Variants in RIPOR2 observed in about 807,000 individuals in gnomAD.
RIPOR2 encodes rho family-interacting cell polarization regulator 2.
RIPOR2 carries 39 observed loss-of-function variants against 114.5 expected under a neutral mutation model. The observed-to-expected ratio is 0.34, with a 90% CI of 0.26 to 0.44. The LOEUF is 0.44. Among genes scored for constraint, RIPOR2 ranks in the 20% least tolerant of loss-of-function variants. The pLI, the probability that RIPOR2 is intolerant of heterozygous loss-of-function variation, is 1.00. For synonymous variants in RIPOR2, 445 were observed against 484.4 expected, an observed-to-expected ratio of 0.92 and a Z score of 1.07; for missense variants, 1,007 against 1,255.1, an observed-to-expected ratio of 0.80 and a Z score of 2.99.
intron 1 of RIPOR2, among the ~76,000 whole-genome samples, chr6:24,990,328 T>A (rs979876612): frequency 6.6e-6 from 1 of 152,244 alleles, no homozygotes; most frequent in Non-Finnish European, 1.5e-5. Context: ...TCATTGATAG[T>A]GCTTCTAATG....
In RIPOR2 at chr6:25,018,712, A is replaced by G. The variant is rs370423390; in HGVS notation, c.76+23139T>C. Among the ~76,000 whole-genome samples, 30 of 152,290 alleles carry G rather than the reference A, an allele frequency of 2.0e-4. No individual in the cohort carries two copies. The South Asian group carries it at 5.2e-3, about 26-fold the overall frequency. On this transcript the variant is annotated intron_variant, in intron 1 of 13. Transcript: ENST00000510784. ...TTAGATTTTATTAAATCCCAGTTCT[A>G]TTTTTGGCAAGATAATAGGTGATAC...
At chr6:25,035,969 G>C in intron 1 of RIPOR2, among the ~76,000 whole-genome samples, 1 of 152,226 alleles carries the variant, frequency 6.6e-6, no homozygotes, top group South Asian at 2.1e-4. Flanking sequence ...GGAATAGCCA[G>C]CTGGGTTCTT....
At chr6:24,907,816 T>C (rs1769140714) in intron 1 of RIPOR2, among the ~76,000 whole-genome samples, 1 of 152,226 alleles carries the variant, frequency 6.6e-6, no homozygotes, top group African/African-American at 2.4e-5. Flanking sequence ...TGAAAAGGCA[T>C]ATGCTCATGA....
At chr6:24,860,892 T>C (rs575393272) in intron 8 of RIPOR2, 81 bp downstream of exon 8, 1 of 869,112 alleles carries the variant, frequency 1.2e-6, no homozygotes, top group African/African-American at 1.7e-5. Context: ...AAAATAAAAA[T>C]AGCATGGGCT....
At chr6:24,897,697 C>T (rs1361757923) in intron 1 of RIPOR2, among the ~76,000 whole-genome samples, 2 of 152,178 alleles carry the variant, frequency 1.3e-5, no homozygotes, top group African/African-American at 4.8e-5. Flanking sequence ...TCATACCTCT[C>T]ATTACCAGAG....
At chr6:24,872,450 C>T (rs1408958562) in intron 4 of RIPOR2, among the ~76,000 whole-genome samples, 1 of 152,170 alleles carries the variant, frequency 6.6e-6, no homozygotes, top group Non-Finnish European at 1.5e-5. Context: ...AACTCCTGGC[C>T]TCAAGCGTTC....
intron 1 of RIPOR2, among the ~76,000 whole-genome samples, chr6:25,028,889 G>A (rs1046010983): frequency 6.6e-6 from 1 of 152,234 alleles, no homozygotes; most frequent in Admixed American, 6.5e-5. Flanking sequence ...GATGTGGGAT[G>A]AGGTAAGGAA....
rs2113820351 is a variant in RIPOR2 at position 24,858,881 on chromosome 6, A to G, written c.715+2092T>C. Among the ~76,000 whole-genome samples the G allele has an allele frequency of 6.6e-6, 1 of 152,218 alleles. No individual in the cohort carries two copies. The highest frequency in any genetic ancestry group is 1.9e-4 in the East Asian group (1 of 5,178). Reference sequence around the variant, plus strand: ...CAGCATCATCTCCTCCCTGAACACCAAGCCTGAAGCTCCAGATCTGGTCCG... The same window carrying G: ...CAGCATCATCTCCTCCCTGAACACCGAGCCTGAAGCTCCAGATCTGGTCCG... On this transcript the variant is annotated intron_variant, in intron 8 of 21. Transcript: ENST00000643898. This position sits in a 1 kb window ranked among gnomAD's most constrained non-coding sequence, Gnocchi z 4.0.
rs972491214 is a variant in RIPOR2, at chr6:25,027,809, G to A, written c.76+14042C>T. 2.0e-5 allele frequency among the ~76,000 whole-genome samples: 3 copies of A among 152,240 alleles called. No individual in the cohort carries two copies. The South Asian group carries it at 6.2e-4, about 32-fold the overall frequency. ...GGTAAACCGACTGAACAAGAGGGAAGAGGCAAGTTCCGTGGGTCAGGGCAT... is the reference window on the plus strand; with the variant it reads ...GGTAAACCGACTGAACAAGAGGGAAAAGGCAAGTTCCGTGGGTCAGGGCAT... On this transcript the variant is annotated intron_variant, in intron 1 of 13. Transcript: ENST00000510784.
At chr6:24,848,183 A>G (rs1255956546) in intron 11 of RIPOR2, 29 bp from the exon 12 acceptor site, 2 of 1,610,214 alleles carry the variant, frequency 1.2e-6, no homozygotes, top group Non-Finnish European at 8.5e-7. Context: ...CCAGGTATGC[A>G]CATTTGGCAA....
chr6:24,956,377 G>A (rs1383074607), intron 1 of RIPOR2, among the ~76,000 whole-genome samples: 1 of 152,046 alleles, frequency 6.6e-6, no homozygotes, highest in Non-Finnish European at 1.5e-5. Context: ...TAAAAGCAGT[G>A]TATGCTTATT....
At position 24,806,202 on chromosome 6, in the gene RIPOR2, G is replaced by A. The variant is rs775356965; in HGVS notation, c.*171C>T. 4.6e-5 allele frequency: 28 copies of A among 607,446 alleles called. No individual in the cohort carries two copies. The highest frequency in any genetic ancestry group is 7.8e-5 in the Non-Finnish European group (27 of 346,604). The allele number at this position is 607,446 out of a possible 1,614,324, so 37.6% of individuals were successfully genotyped here. A position where few individuals can be genotyped will look rare whatever the true frequency, so the allele number is the denominator to read the frequency against. ...TCCTGGGCTTAAGCAATTCTCCTGC[G>A]TTGGCCTCCCAAAGTACTGGGATTA... is the stretch of plus-strand genomic sequence containing the variant. On this transcript the variant is annotated 3_prime_UTR_variant, in exon 22 of 22. Transcript: ENST00000643898.
intron 17 of RIPOR2, among the ~76,000 whole-genome samples, chr6:24,828,505 A>C (rs1230691106): frequency 3.3e-5 from 5 of 152,122 alleles, no homozygotes; most frequent in Non-Finnish European, 5.9e-5. Context: ...CACCTGGCTC[A>C]ATAAGTTGTT....
intron 1 of RIPOR2, among the ~76,000 whole-genome samples, chr6:24,920,561 C>A (rs547737296): frequency 4.6e-5 from 7 of 152,160 alleles, no homozygotes; most frequent in Non-Finnish European, 8.8e-5. Context: ...GGTTATATAG[C>A]CCAATCCCTA....
chr6:24,889,913 A>C (rs1767171262), intron 1 of RIPOR2, among the ~76,000 whole-genome samples: 1 of 151,696 alleles, frequency 6.6e-6, no homozygotes, highest in African/African-American at 2.4e-5. Context: ...TTTTTTTGAG[A>C]CAGAGTTTCA....
chr6:24,875,033 G>A (rs780790327), intron 2 of RIPOR2, among the ~76,000 whole-genome samples: 3 of 152,136 alleles, frequency 2.0e-5, no homozygotes, highest in Non-Finnish European at 2.9e-5. Flanking sequence ...CGAGACCTCC[G>A]AGGCCGGAAG....
At chr6:24,868,625 TGAGG>T (rs1285405164) in intron 6 of RIPOR2, among the ~76,000 whole-genome samples, 1 of 152,006 alleles carries the variant, frequency 6.6e-6, no homozygotes, top group African/African-American at 2.4e-5. Flanking sequence ...CCATGCCATA[TGAGG>T]GAGAGTGGAA....
In RIPOR2 at chr6:24,968,840, G is replaced by T. The variant is rs114372860; in HGVS notation, c.76+73011C>A. On this transcript the variant is annotated intron_variant, in intron 1 of 13. Coordinates refer to the RIPOR2 transcript ENST00000510784. Reference sequence around the variant, plus strand: ...GCACAGTACAGTCTTCAGCACCAAAGAATTATGCAGCCCAAACTGTCAATA... The same window carrying T: ...GCACAGTACAGTCTTCAGCACCAAATAATTATGCAGCCCAAACTGTCAATA... Among the ~76,000 whole-genome samples the T allele has an allele frequency of 9.0e-3, 1,374 of 152,268 alleles. 13 individuals carry two copies. The highest frequency in any genetic ancestry group is 0.028 in the African/African-American group (1,184 of 41,548).
intron 15 of RIPOR2, among the ~76,000 whole-genome samples, chr6:24,834,409 G>T (rs1052744553): frequency 6.6e-6 from 1 of 152,020 alleles, no homozygotes; most frequent in Non-Finnish European, 1.5e-5. Context: ...CAGGTTCTGT[G>T]CTCTTGGGTT....
Sources: gnomAD v4.1 joint callset for allele counts (sites outside exome capture counted in the v4.1 genomes callset) on GRCh38, gnomAD v4.1.1 for gene constraint, Gnocchi (gnomAD v3.1) non-coding constraint, MANE v1.5 for transcripts, NCBI Gene and HGNC (gene_info 2026-07-23, HGNC 2026-07-21) for gene names.